The following SAMD12 variants were observed in gnomAD, a reference collection of about 807,000 sequenced individuals.
SAMD12 encodes the protein sterile alpha motif domain containing 12.
Under a neutral mutation model 15.0 loss-of-function variants are expected in SAMD12, and 9 were observed. The ratio of observed to expected loss-of-function variants is 0.60; its 90% CI spans 0.36 to 1.05. The LOEUF is 1.05. Among genes scored for constraint, SAMD12 ranks in the 50% least tolerant of loss-of-function variants. The pLI, the probability that SAMD12 is intolerant of heterozygous loss-of-function variation, is 0.01. For synonymous variants in SAMD12, 86 were observed against 90.1 expected (o/e 0.96, Z 0.25); for missense variants, 230 against 234.2 (o/e 0.98, Z 0.12).
chr8:118,533,205 G>C (rs1489897877), intron 2 of SAMD12, among the ~76,000 whole-genome samples: 2 of 152,190 alleles, frequency 1.3e-5, no homozygotes, highest in Admixed American at 6.5e-5. Context: ...GTACCCAGTA[G>C]TCATTCAGGA....
chr8:118,343,821 G>A (rs1283156162), intron 4 of SAMD12, among the ~76,000 whole-genome samples: 5 of 152,094 alleles, frequency 3.3e-5, no homozygotes, highest in African/African-American at 4.8e-5. Flanking sequence ...TTTACTGAGG[G>A]GCACTCAATA....
downstream of SAMD12, among the ~76,000 whole-genome samples, chr8:118,189,157 C>T (rs1401182918): frequency 6.6e-6 from 1 of 152,010 alleles, no homozygotes; most frequent in South Asian, 2.1e-4. Context: ...CAGCTGTGCT[C>T]GACACTAAAG....
intron 2 of SAMD12, among the ~76,000 whole-genome samples, chr8:118,511,621 G>T (rs369474991): frequency 1.8e-4 from 27 of 152,024 alleles, no homozygotes; most frequent in African/African-American, 6.5e-4. Context: ...CTACATTCAA[G>T]CTTCTATAGC....
intron 1 of SAMD12, among the ~76,000 whole-genome samples, chr8:118,581,212 C>A (rs1460432160): frequency 6.6e-6 from 1 of 152,186 alleles, no homozygotes; most frequent in African/African-American, 2.4e-5. Context: ...CCCACACACG[C>A]AATCATGCAA....
At chr8:118,189,136 C>A (rs1689164620), downstream of SAMD12, among the ~76,000 whole-genome samples, 1 of 152,080 alleles carries the variant, frequency 6.6e-6, no homozygotes, top group Admixed American at 6.6e-5. Flanking sequence ...AAGAGAATTG[C>A]ATCTATCGTC....
the SAMD12 span, among the ~76,000 whole-genome samples, chr8:118,136,222 G>A: frequency 2.0e-5 from 3 of 151,716 alleles, no homozygotes; most frequent in Non-Finnish European, 4.4e-5. Context: ...TAGAGATGGG[G>A]TTTCACCATG....
intron 4 of SAMD12, among the ~76,000 whole-genome samples, chr8:118,309,626 T>A (rs1259883763): frequency 2.0e-5 from 3 of 152,178 alleles, no homozygotes; most frequent in Non-Finnish European, 4.4e-5. Flanking sequence ...TCCTAAGTTC[T>A]TTTTTCAGAC....
chr8:118,355,351 A>G (rs1032638140), intron 4 of SAMD12, among the ~76,000 whole-genome samples: 7 of 152,240 alleles, frequency 4.6e-5, no homozygotes, highest in African/African-American at 1.7e-4. Flanking sequence ...ATGCAAATGC[A>G]TAAGAATGAC....
intron 4 of SAMD12, among the ~76,000 whole-genome samples, chr8:118,363,183 C>A (rs963115624): frequency 6.6e-6 from 1 of 152,110 alleles, no homozygotes; most frequent in African/African-American, 2.4e-5. Flanking sequence ...AGAGCATGGG[C>A]TTTGGAGGCA....
chr8:118,427,040 G>A (rs1469742960), intron 3 of SAMD12, among the ~76,000 whole-genome samples: 1 of 152,214 alleles, frequency 6.6e-6, no homozygotes. Context: ...TTTGTCAGCA[G>A]TCATCTCCTA....
chr8:118,438,218 G>A (rs1822629404), intron 3 of SAMD12, among the ~76,000 whole-genome samples: 1 of 152,146 alleles, frequency 6.6e-6, no homozygotes, highest in African/African-American at 2.4e-5. Flanking sequence ...CTCTAGTTGG[G>A]AGTGACAGAG....
At chr8:118,242,706 TC>T (rs946193726) in intron 4 of SAMD12, among the ~76,000 whole-genome samples, 2 of 152,002 alleles carry the variant, frequency 1.3e-5, no homozygotes, top group Non-Finnish European at 2.9e-5. Context: ...ATGACCACCT[TC>T]CCTGCCCCTG....
In SAMD12 at chr8:118,379,732, A is replaced by G. The variant is rs557568282; in HGVS notation, c.323-32T>C. ...GGTTTTAAGAAATAAAAGGAAAAGC[A>G]AATGAACTACTTGCTGAAGAAAGAT... On this transcript the variant is annotated intron_variant, in intron 3 of 3. Coordinates refer to ENST00000314727, the MANE Select transcript of SAMD12 (RefSeq NM_207506.3). 5.8e-4 allele frequency: 936 copies of G among 1,600,380 alleles called. 11 individuals carry two copies. The South Asian group carries it at 9.6e-3, about 16-fold the overall frequency.
At chr8:118,161,251 A>T in the SAMD12 span, among the ~76,000 whole-genome samples, 1 of 152,224 alleles carries the variant, frequency 6.6e-6, no homozygotes, top group Non-Finnish European at 1.5e-5. Context: ...AAAGCATGAT[A>T]TATAAAAGAA....
Position 118,270,647 on chromosome 8 carries a change from T to C in SAMD12, c.434-72915A>G, listed in dbSNP as rs569934701. Among the ~76,000 whole-genome samples the C allele has an allele frequency of 7.9e-4, 120 of 152,048 alleles. 1 individual carries two copies. Among genetic ancestry groups the C allele is most frequent in the African/African-American group, 2.7e-3 (113 of 41,460 alleles). On this transcript the variant is annotated intron_variant, in intron 4 of 4. Coordinates refer to the SAMD12 transcript ENST00000409003. ...TTTTATTTAGGCTTTTTAGGGGGAG[T>C]TGGGGAGTCACAGAACATAATGTGT...
intron 2 of SAMD12, among the ~76,000 whole-genome samples, chr8:118,488,258 T>A (rs926069880): frequency 1.3e-5 from 2 of 152,138 alleles, no homozygotes; most frequent in African/African-American, 4.8e-5. Context: ...TTGCATCATC[T>A]GAAGGGCTCA....
chr8:118,448,069 G>A (rs1822972497), intron 2 of SAMD12, among the ~76,000 whole-genome samples: 1 of 152,094 alleles, frequency 6.6e-6, no homozygotes, highest in Non-Finnish European at 1.5e-5. Context: ...AATACATTCT[G>A]TTCCCACTAC....
At chr8:118,285,837 A>AG (rs1813956228) in intron 4 of SAMD12, among the ~76,000 whole-genome samples, 1 of 152,230 alleles carries the variant, frequency 6.6e-6, no homozygotes, top group Admixed American at 6.5e-5. Context: ...GTACTATAAA[A>AG]GTCTGACCCT....
chr8:118,244,124 T>A (rs1335103919), intron 4 of SAMD12, among the ~76,000 whole-genome samples: 1 of 152,158 alleles, frequency 6.6e-6, no homozygotes, highest in African/African-American at 2.4e-5. Flanking sequence ...TCATGACTTT[T>A]TGATCCCTGA....
Sources: gnomAD v4.1 joint callset for allele counts (sites outside exome capture counted in the v4.1 genomes callset) on GRCh38, gnomAD v4.1.1 for gene constraint, MANE v1.5 for transcripts, NCBI Gene and HGNC (gene_info 2026-07-23, HGNC 2026-07-21) for gene names.